DGLUCY: variants seen among roughly 807,000 people sequenced by gnomAD.
DGLUCY encodes D-glutamate cyclase.
Under a neutral mutation model 58.5 loss-of-function variants are expected in DGLUCY, and 58 were observed. That is an observed-to-expected ratio of 0.99 (90% CI 0.80 to 1.23). The LOEUF is 1.23. Ranked by LOEUF, DGLUCY falls within the 50% of genes most tolerant of loss-of-function variation. The pLI is 0.00. For missense variants in DGLUCY, 779 were observed against 784.7 expected (o/e 0.99, Z 0.09); for synonymous variants, 325 against 314.1 (o/e 1.03, Z -0.37).
intron 6 of DGLUCY, among the ~76,000 whole-genome samples, chr14:91,174,282 C>G (rs1436855967): frequency 2.0e-5 from 3 of 152,060 alleles, no homozygotes; most frequent in African/African-American, 7.3e-5. Context: ...TTTGCAATAT[C>G]CTTTATTTAA....
chr14:91,204,509 C>T (rs950578450), intron 11 of DGLUCY, among the ~76,000 whole-genome samples, 197 bp from the exon 12 acceptor site: 4 of 152,172 alleles, frequency 2.6e-5, no homozygotes, highest in African/African-American at 4.8e-5. Context: ...GTGTTCCAAA[C>T]GTGGACTCAT....
chr14:91,223,152 G>A (rs4904760), intron 13 of DGLUCY, among the ~76,000 whole-genome samples: 94,755 of 152,042 alleles, frequency 0.62, 30,202 homozygotes, highest in Admixed American at 0.75. Flanking sequence ...CCTGAACCAT[G>A]CCAATAAGCT....
intron 9 of DGLUCY, among the ~76,000 whole-genome samples, chr14:91,194,898 T>C (rs928602516): frequency 7.2e-5 from 11 of 152,158 alleles, no homozygotes; most frequent in African/African-American, 2.4e-4. Flanking sequence ...ACTTGCCCCA[T>C]TGACCCACTG....
intron 13 of DGLUCY, among the ~76,000 whole-genome samples, chr14:91,217,570 C>T (rs1886766267): frequency 6.6e-6 from 1 of 151,492 alleles, no homozygotes; most frequent in Non-Finnish European, 1.5e-5. Flanking sequence ...CCGCAACCTC[C>T]ACCCCCCAAG....
chr14:91,086,730 A>G (rs1031868316), intron 1 of DGLUCY, among the ~76,000 whole-genome samples: 3 of 152,154 alleles, frequency 2.0e-5, no homozygotes, highest in Non-Finnish European at 4.4e-5. Context: ...CACTCAATAA[A>G]CACTTTTTAT....
At chr14:91,219,865 G>T (rs113494713) in intron 13 of DGLUCY, among the ~76,000 whole-genome samples, 10 of 152,170 alleles carry the variant, frequency 6.6e-5, no homozygotes, top group African/African-American at 2.4e-4. Context: ...TCCTCAGCTT[G>T]GGGGCCAAGG....
At position 91,175,935 on chromosome 14, in the gene DGLUCY, A is replaced by G; in HGVS notation, c.609A>G (p.Glu203=). Residue 203 remains glutamate (E), a splice_region_variant and synonymous_variant, in exon 7 of 14, where the codon GAA becomes GAG. Coordinates refer to ENST00000256324, the MANE Select transcript of DGLUCY (RefSeq NM_001102368.3). The stretch of plus-strand genomic sequence containing the variant: ...TACATTTTCCTTTTCCATCTGCAGA[A>G]CTGTTGGGAATCAAAGAGCTTTCCA... ...QGQPVHMGDP[E]LLGIKELSKP... is the part of the protein sequence containing the mutation. 2 of 1,613,754 alleles carry G rather than the reference A, an allele frequency of 1.2e-6. No individual in the cohort carries two copies. Among genetic ancestry groups the G allele is most frequent in the Non-Finnish European group, 1.7e-6 (2 of 1,179,742 alleles).
intron 1 of DGLUCY, among the ~76,000 whole-genome samples, chr14:91,129,072 G>A (rs1163838445): frequency 6.6e-6 from 1 of 152,178 alleles, no homozygotes; most frequent in East Asian, 1.9e-4. Flanking sequence ...AATCCGCCTA[G>A]CCTCTGCTTT....
intron 1 of DGLUCY, among the ~76,000 whole-genome samples, chr14:91,068,243 A>G (rs1047874528): frequency 6.6e-6 from 1 of 152,228 alleles, no homozygotes; most frequent in Non-Finnish European, 1.5e-5. Context: ...ATTGCAGATG[A>G]GGAACACTAG....
At chr14:91,171,747 TG>T (rs1286581818) in intron 5 of DGLUCY, among the ~76,000 whole-genome samples, 1 of 151,980 alleles carries the variant, frequency 6.6e-6, no homozygotes, top group Non-Finnish European at 1.5e-5. Flanking sequence ...ATTCAGGAGG[TG>T]GGGTGGGGGA....
intron 1 of DGLUCY, among the ~76,000 whole-genome samples, chr14:91,155,797 CAAAA>C (rs543323125): frequency 1.0e-5 from 1 of 96,480 alleles, no homozygotes; most frequent in African/African-American, 4.0e-5. Context: ...ACCCTGTTTC[CAAAA>C]AAAAAAAAAA....
At chr14:91,125,135 A>C (rs1429873600) in intron 1 of DGLUCY, among the ~76,000 whole-genome samples, 6 of 152,318 alleles carry the variant, frequency 3.9e-5, no homozygotes, top group East Asian at 1.9e-4. Flanking sequence ...AGGGTGGACG[A>C]GTCAGGTTAT....
rs1195475723 is a variant in DGLUCY at position 91,199,873 on chromosome 14, C to T, written c.1412C>T (p.Ala471Val). ...GACCCCATTGACGATCTTTTTCTTG[C>T]TGCGAAGAAGATTCCTGGAATCTCA... ...LVDPIDDLFL[A>V]AKKIPGISST... Residue 471 changes from alanine to valine, a missense_variant, in exon 11 of 14, where the codon GCT becomes GTT. Ala to Val is a moderately conservative substitution (Grantham distance 64). Coordinates refer to ENST00000256324, the MANE Select transcript of DGLUCY (RefSeq NM_001102368.3). The T allele has an allele frequency of 6.2e-7, 1 of 1,614,154 alleles. No individual in the cohort carries two copies. Among genetic ancestry groups the T allele is most frequent in the South Asian group, 1.1e-5 (1 of 91,082 alleles).
rs538803419 is a variant in DGLUCY at position 91,130,834 on chromosome 14, G to A, written c.-82+16551G>A. 1.1e-4 allele frequency among the ~76,000 whole-genome samples: 16 copies of A among 152,172 alleles called. 1 individual carries two copies. Among genetic ancestry groups the A allele is most frequent in the African/African-American group, 3.9e-4 (16 of 41,524 alleles). ...ATAAACCAACTGTTTTTTCTGTACT[G>A]TAAATGCCTGTTTATATCTTTCTCC... is the stretch of plus-strand genomic sequence containing the variant. On this transcript the variant is annotated intron_variant, in intron 1 of 13. Transcript: ENST00000256324.
At chr14:91,141,707 G>A (rs1340800704) in intron 1 of DGLUCY, among the ~76,000 whole-genome samples, 1 of 150,842 alleles carries the variant, frequency 6.6e-6, no homozygotes, top group African/African-American at 2.4e-5. Context: ...ATGCACCACT[G>A]CACCCAGCTA....
At chr14:91,115,928 T>G (rs1306009369) in intron 1 of DGLUCY, among the ~76,000 whole-genome samples, 1 of 152,250 alleles carries the variant, frequency 6.6e-6, no homozygotes, top group Non-Finnish European at 1.5e-5. Flanking sequence ...CACTGAGCTT[T>G]GCATTCCTTG....
chr14:91,136,103 T>G (rs930991695), intron 1 of DGLUCY, among the ~76,000 whole-genome samples: 29 of 151,522 alleles, frequency 1.9e-4, no homozygotes, highest in Non-Finnish European at 8.8e-5. Flanking sequence ...CCCGGCTAAT[T>G]TTTGTATTTT....
chr14:91,159,615 A>T (rs1595795329), intron 2 of DGLUCY, among the ~76,000 whole-genome samples: 1 of 152,156 alleles, frequency 6.6e-6, no homozygotes, highest in South Asian at 2.1e-4. Flanking sequence ...ATATCTATTT[A>T]CTCACCAAAG....
chr14:91,209,569 G>A (rs1226940567), intron 12 of DGLUCY, among the ~76,000 whole-genome samples: 2 of 152,074 alleles, frequency 1.3e-5, no homozygotes, highest in East Asian at 1.9e-4. Context: ...TTAGCTGGGC[G>A]TGGTGGCGGG....
Sources: allele counts gnomAD v4.1 joint callset (sites outside exome capture counted in the v4.1 genomes callset), GRCh38; gene constraint gnomAD v4.1.1; transcripts MANE v1.5; gene names NCBI Gene and HGNC (gene_info 2026-07-23, HGNC 2026-07-21).